GEMIN4: variants seen among roughly 807,000 people sequenced by gnomAD.
GEMIN4 encodes the protein gem-associated protein 4.
In GEMIN4, 59 loss-of-function variants were observed where a neutral mutation model predicts 76.8. That is an observed-to-expected ratio of 0.77 (90% CI 0.62 to 0.95). The LOEUF (loss-of-function observed/expected upper bound fraction) is 0.95. GEMIN4 is among the 40% of genes least tolerant of loss of function. GEMIN4 has a pLI of 0.00. For missense variants in GEMIN4, 1,311 were observed against 1,318.9 expected, an observed-to-expected ratio of 0.99 and a Z score of 0.09; for synonymous variants, 562 against 559.7, an observed-to-expected ratio of 1.00 and a Z score of -0.06.
At chr17:752,028 C>T (rs969902472) in intron 1 of GEMIN4, 105 bp downstream of exon 1, 9 of 823,028 alleles carry the variant, frequency 1.1e-5, no homozygotes, top group Non-Finnish European at 1.5e-5. Context: ...CGTTTCGGTC[C>T]GGGCCCGCGC....
intron 1 of GEMIN4, chr17:750,066 G>A: frequency 5.7e-6 from 5 of 878,602 alleles, no homozygotes; most frequent in Non-Finnish European, 6.8e-6. Flanking sequence ...TAAAAATGAT[G>A]TGATTCTGGC....
Position 745,923 on chromosome 17 carries a change from C to T in GEMIN4, c.2120G>A (p.Arg707His), listed in dbSNP as rs775968214. The T allele has an allele frequency of 3.0e-5, 49 of 1,613,000 alleles. No homozygotes were observed. The South Asian group carries it at 4.9e-4, about 16-fold the overall frequency. The change falls in exon 2 of 2, where the codon CGC (arginine) becomes CAC (histidine). Residue 707 changes from arginine to histidine, a missense_variant. Transcript: ENST00000319004. The surrounding 1 kb of genome is among the most constrained non-coding windows in gnomAD (Gnocchi z 4.6). ...LLFSLCQLLD[R>H]FSKYWQLPKE... is the part of the protein sequence containing the mutation. ...GGGAAGCTGCCAGTATTTGCTGAAG[C>T]GGTCCAAGAGCTGGCACAAGCTGAA...
upstream of GEMIN4, chr17:753,691 G>C (rs193083309): frequency 6.6e-6 from 1 of 152,416 alleles, no homozygotes; most frequent in Admixed American, 6.5e-5. Flanking sequence ...CTTTTTGTAT[G>C]GTTTTGGGTG....
chr17:754,377 ACTT>A (rs1273275703), upstream of GEMIN4: 24 of 152,318 alleles, frequency 1.6e-4, no homozygotes, highest in African/African-American at 5.3e-4. Context: ...ATTTCCTGGT[ACTT>A]CTTCTTTAAT....
In GEMIN4 at chr17:747,005, G is replaced by A. The variant is rs753316397; in HGVS notation, c.1038C>T (p.Tyr346=). The A allele has an allele frequency of 1.7e-5, 28 of 1,612,906 alleles. No homozygotes were observed. The Admixed American group carries it at 3.3e-4, about 19-fold the overall frequency. The change falls in exon 2 of 2, where the codon TAC becomes TAT. Residue 346 remains tyrosine (Y), a synonymous_variant. Transcript: ENST00000319004. ...AGGAAGTCAGACTGTCGCACAGCCG[G>A]TAGCTGTCGTAACTTGTCCCCTGGC... The part of the protein sequence containing the change: ...RSSQGTSYDS[Y]RLCDSLTSFS...
At position 747,416 on chromosome 17, in the gene GEMIN4, C is replaced by A. The variant is rs34245365; in HGVS notation, c.627G>T (p.Ala209=). 6.2e-6 allele frequency: 10 copies of A among 1,613,686 alleles called. No homozygotes were observed. Among genetic ancestry groups the A allele is most frequent in the Non-Finnish European group, 8.5e-6 (10 of 1,179,880 alleles). The change falls in exon 2 of 2, where the codon GCG becomes GCT. Residue 209 remains alanine, a synonymous_variant. Transcript: ENST00000319004. The stretch of plus-strand genomic sequence containing the variant: ...TGGCCAACAGGGGCATGGTGGGGCA[C>A]GCGTCTGGGTCTGACCTAAGCCTCT... ...PPKRLRSDPD[A]CPTMPLLAML...
In GEMIN4 at chr17:746,900, C is replaced by T. The variant is rs1188846253; in HGVS notation, c.1143G>A (p.Glu381=). 5 of 1,613,618 alleles carry T rather than the reference C, an allele frequency of 3.1e-6. No homozygotes were observed. Among genetic ancestry groups the T allele is most frequent in the Non-Finnish European group, 4.2e-6 (5 of 1,179,748 alleles). ...EDRQVVSELA[E]CVRDFLRKTS... is the part of the protein sequence containing the mutation. ...TTTTCCTCAGGAAGTCCCTGACACA[C>T]TCCGCCAGCTCAGAGACCACCTGCC... The change falls in exon 2 of 2, where the codon GAG becomes GAA. Residue 381 remains glutamate (E), a synonymous_variant. Coordinates refer to ENST00000319004, the MANE Select transcript of GEMIN4 (RefSeq NM_015721.3). The surrounding 1 kb of genome is among the most constrained non-coding windows in gnomAD (Gnocchi z 4.3).
chr17:751,804 C>T (rs748333047), intron 1 of GEMIN4: 2 of 339,432 alleles, frequency 5.9e-6, no homozygotes, highest in South Asian at 3.1e-4. Flanking sequence ...GAAATGAGGC[C>T]GTCGGGGCGC....
In GEMIN4 at chr17:750,397, C is replaced by T. The variant is rs1904608037; in HGVS notation, c.10+1736G>A. Among the ~76,000 whole-genome samples the T allele has an allele frequency of 2.6e-5, 4 of 152,182 alleles. No individual in the cohort carries two copies. The South Asian group carries it at 8.3e-4, about 32-fold the overall frequency. ...ATGATGGATAAATGAGATAGAGCTA[C>T]AGTAAGAATCCAGTTACAGAGTCTA... On this transcript the variant is annotated intron_variant, in intron 1 of 1. Transcript: ENST00000319004.
Position 746,742 on chromosome 17 carries a change from G to C in GEMIN4, c.1301C>G (p.Ser434Trp). The change falls in exon 2 of 2, where the codon TCG (serine) becomes TGG (tryptophan). Residue 434 changes from serine to tryptophan, a missense_variant. Physicochemically the swap from Ser to Trp is radical, Grantham distance 177 (BLOSUM62 -3). Around this residue, in one of 2 missense-constraint regions of GEMIN4, gnomAD observed 1,208 missense variants for 1,166.9 expected, o/e 1.04. Transcript: ENST00000319004. The surrounding 1 kb of genome is among the most constrained non-coding windows in gnomAD (Gnocchi z 4.3). Reference sequence around the variant, plus strand: ...CCCCAGGCAGGCTACCCACTCGTCCGAGAAGGCCCACTTCTTCTCAGAGGC... The same window carrying C: ...CCCCAGGCAGGCTACCCACTCGTCCCAGAAGGCCCACTTCTTCTCAGAGGC... ...IFASEKKWAF[S>W]DEWVACLGSN... The C allele has an allele frequency of 4.3e-6, 7 of 1,613,662 alleles. No homozygotes were observed. Among genetic ancestry groups the C allele is most frequent in the Non-Finnish European group, 5.9e-6 (7 of 1,179,812 alleles).
Position 746,961 on chromosome 17 carries a change from A to G in GEMIN4, c.1082T>C (p.Leu361Pro). The change falls in exon 2 of 2, where the codon CTC becomes CCC. Residue 361 changes from leucine to proline, a missense_variant. Physicochemically the swap from Leu to Pro is moderately conservative, Grantham distance 98. Transcript: ENST00000319004. The surrounding 1 kb of genome is among the most constrained non-coding windows in gnomAD (Gnocchi z 4.3). ...GGACAGGCTGGTGCGGTTCAGGTAG[A>G]GCGTCGCGTTCTGGCTGAAGGAAGT... ...SLTSFSQNAT[L>P]YLNRTSLSKE... 6.2e-7 allele frequency: 1 copy of G among 1,613,292 alleles called. No individual in the cohort carries two copies. The highest frequency in any genetic ancestry group is 8.5e-7 in the Non-Finnish European group (1 of 1,179,796).
Position 745,367 on chromosome 17 carries a change from T to C in GEMIN4, c.2676A>G (p.Glu892=), listed in dbSNP as rs185836956. ...KQLLHVPYSL[E]YIQFVPLLNL... is the part of the protein sequence containing the mutation. ...TGAGCAGGGGAACAAACTGAATATA[T>C]TCCAGGCTATAAGGGACATGGAGGA... The change falls in exon 2 of 2, where the codon GAA becomes GAG. Residue 892 remains glutamate (E), a synonymous_variant. Coordinates refer to ENST00000319004, the MANE Select transcript of GEMIN4 (RefSeq NM_015721.3). This position sits in a 1 kb window ranked among gnomAD's most constrained non-coding sequence, Gnocchi z 4.6. 1 of 1,613,058 alleles carries C rather than the reference T, an allele frequency of 6.2e-7. No individual in the cohort carries two copies. The highest frequency in any genetic ancestry group is 2.2e-5 in the East Asian group (1 of 44,872).
chr17:750,666 C>T (rs1904627512), intron 1 of GEMIN4, among the ~76,000 whole-genome samples: 1 of 152,294 alleles, frequency 6.6e-6, no homozygotes, highest in South Asian at 2.1e-4. Flanking sequence ...GTCTGTCATG[C>T]CCCCAAGAGC....
chr17:745,760 G>A lies in GEMIN4; in HGVS notation c.2283C>T (p.Arg761=). The A allele has an allele frequency of 6.2e-7, 1 of 1,610,724 alleles. No homozygotes were observed. Among genetic ancestry groups the A allele is most frequent in the Middle Eastern group, 1.6e-4 (1 of 6,062 alleles). Reference sequence around the variant, plus strand: ...CAGTCCAGTCTAGCTGTTCTAACTTGCGGTGGAGCCAGGACAGGGACTTGA... The same window carrying A: ...CAGTCCAGTCTAGCTGTTCTAACTTACGGTGGAGCCAGGACAGGGACTTGA... The part of the protein sequence containing the change: ...VWIKSLSWLH[R]KLEQLDWTVG... Residue 761 remains arginine, a synonymous_variant, in exon 2 of 2, where the codon CGC becomes CGT. Transcript: ENST00000319004. The surrounding 1 kb of genome is among the most constrained non-coding windows in gnomAD (Gnocchi z 4.6).
chr17:750,310 C>T (rs746735210), intron 1 of GEMIN4, among the ~76,000 whole-genome samples: 1 of 152,132 alleles, frequency 6.6e-6, no homozygotes, highest in African/African-American at 2.4e-5. Flanking sequence ...TGATATATAC[C>T]AGTCAAGCCC....
chr17:747,023 C>T lies in GEMIN4; in HGVS notation c.1020G>A (p.Gly340=). The change falls in exon 2 of 2, where the codon GGG becomes GGA. Residue 340 remains glycine (G), a synonymous_variant. Transcript: ENST00000319004. ...ELQAVLRSSQ[G]TSYDSYRLCD... ...ACAGCCGGTAGCTGTCGTAACTTGT[C>T]CCCTGGCTGCTGCGGAGCACGGCCT... 1.9e-6 allele frequency: 3 copies of T among 1,613,308 alleles called. No individual in the cohort carries two copies. Among genetic ancestry groups the T allele is most frequent in the Non-Finnish European group, 2.5e-6 (3 of 1,179,792 alleles).
At position 744,717 on chromosome 17, in the gene GEMIN4, A is replaced by G. The variant is rs575004838; in HGVS notation, c.*149T>C. ...ATTATTGCCATGACTTTTTGTGGACAGTTTCACATAACTGTAAAGTCCAGG... is the reference window on the plus strand; with the variant it reads ...ATTATTGCCATGACTTTTTGTGGACGGTTTCACATAACTGTAAAGTCCAGG... On this transcript the variant is annotated 3_prime_UTR_variant, in exon 2 of 2. Transcript: ENST00000319004. 2 of 714,776 alleles carry G rather than the reference A, an allele frequency of 2.8e-6. No individual in the cohort carries two copies. Among genetic ancestry groups the G allele is most frequent in the Non-Finnish European group, 4.4e-6 (2 of 451,606 alleles). 44.3% of individuals were successfully genotyped at this position (714,776 alleles called of 1,614,324 possible).
rs1904316348 is a variant in GEMIN4, at chr17:747,421, C to G, written c.622G>C (p.Asp208His). The change falls in exon 2 of 2, where the codon GAC becomes CAC. Residue 208 changes from aspartate (D) to histidine (H), a missense_variant. Physicochemically the swap from Asp to His is moderately conservative, Grantham distance 81 (BLOSUM62 -1). This residue lies in a region of GEMIN4 where 1,208 missense variants were observed against 1,166.9 expected (regional missense o/e 1.04). Transcript: ENST00000319004. Reference protein sequence around the residue: ...HPPKRLRSDPDACPTMPLLAM... With the variant: ...HPPKRLRSDPHACPTMPLLAM... Reference sequence around the variant, plus strand: ...AACAGGGGCATGGTGGGGCACGCGTCTGGGTCTGACCTAAGCCTCTTTGGA... The same window carrying G: ...AACAGGGGCATGGTGGGGCACGCGTGTGGGTCTGACCTAAGCCTCTTTGGA... The G allele has an allele frequency of 1.2e-6, 2 of 1,613,840 alleles. No individual in the cohort carries two copies. The highest frequency in any genetic ancestry group is 1.7e-6 in the Non-Finnish European group (2 of 1,179,860).
In GEMIN4 at chr17:746,626, CAG is replaced by C. The variant is rs764085023; in HGVS notation, c.1415_1416del (p.Pro472ArgfsTer23). 1.7e-5 allele frequency: 28 copies of C among 1,613,532 alleles called. No homozygotes were observed. The highest frequency in any genetic ancestry group is 2.1e-5 in the Non-Finnish European group (25 of 1,179,904). On this transcript the variant is annotated frameshift_variant, in exon 2 of 2. Transcript: ENST00000319004. LOFTEE classifies it high-confidence loss of function. This position sits in a 1 kb window ranked among gnomAD's most constrained non-coding sequence, Gnocchi z 4.3. The part of the protein sequence containing the change: ...IDVSTADRAI[P>X]ESQIRQVIHL... ...TGGATCACCTGCCGGATCTGAGACT[CAG>C]GGATGGCTCTGTCAGCTGTGCTGAC...
Sources: gnomAD v4.1 joint callset for allele counts (sites outside exome capture counted in the v4.1 genomes callset) on GRCh38, gnomAD v4.1.1 for gene constraint, gnomAD v4.1.1 regional missense constraint, Gnocchi (gnomAD v3.1) non-coding constraint, MANE v1.5 for transcripts, NCBI Gene and HGNC (gene_info 2026-07-23, HGNC 2026-07-21) for gene names.